PCDHA3: variants seen among roughly 807,000 people sequenced by gnomAD.
PCDHA3 encodes protocadherin alpha 3.
In PCDHA3, 41 loss-of-function variants were observed where a neutral mutation model predicts 62.2. The observed-to-expected ratio is 0.66, with a 90% CI of 0.51 to 0.86. The LOEUF (loss-of-function observed/expected upper bound fraction) is 0.86, where lower values mean the gene tolerates loss of function less well. Among genes scored for constraint, PCDHA3 ranks in the 40% least tolerant of loss-of-function variants. PCDHA3 has a pLI of 0.00. For synonymous variants in PCDHA3, 640 were observed against 555.4 expected (o/e 1.15, Z -2.14); for missense variants, 1,304 against 1,241.2 (o/e 1.05, Z -0.76).
Position 140,928,756 on chromosome 5 carries a change from C to T in PCDHA3, c.2395-50193C>T. 2.5e-6 allele frequency: 4 copies of T among 1,614,164 alleles called. No individual in the cohort carries two copies. The highest frequency in any genetic ancestry group is 3.4e-6 in the Non-Finnish European group (4 of 1,180,032). On this transcript the variant is annotated intron_variant, in intron 1 of 3. Transcript: ENST00000522353. The stretch of plus-strand genomic sequence containing the variant: ...CAATATAGGTGAGCTCCGTACTGCT[C>T]GCTTAGTTCTTCCCACTGATGCAGT...
chr5:140,802,022 G>A lies in PCDHA3; in HGVS notation c.825G>A (p.Lys275=). The A allele has an allele frequency of 6.2e-7, 1 of 1,614,190 alleles. No homozygotes were observed. The highest frequency in any genetic ancestry group is 8.5e-7 in the Non-Finnish European group (1 of 1,180,056). The change falls in exon 1 of 4, where the codon AAG becomes AAA. Residue 275 remains lysine, a synonymous_variant. Transcript: ENST00000522353. ...NATDLDEGVN[K]DIAYSFNTDM... The stretch of plus-strand genomic sequence containing the variant: ...CCGATTTGGATGAAGGAGTAAATAA[G>A]GATATCGCGTATTCTTTCAATACGG...
intron 1 of PCDHA3, among the ~76,000 whole-genome samples, chr5:140,826,666 G>A (rs1554130619): frequency 6.6e-6 from 1 of 152,130 alleles, no homozygotes; most frequent in Non-Finnish European, 1.5e-5. Flanking sequence ...CAAGTAAATT[G>A]TAGACGTAAT....
At chr5:140,952,380 G>A (rs246035) in intron 1 of PCDHA3, among the ~76,000 whole-genome samples, 85,175 of 151,100 alleles carry the variant, frequency 0.56, 24,638 homozygotes, top group African/African-American at 0.69. Flanking sequence ...CCTCTGCCAG[G>A]TACCCTAAAC....
At chr5:140,934,151 A>G (rs1478465122) in intron 1 of PCDHA3, among the ~76,000 whole-genome samples, 3 of 152,088 alleles carry the variant, frequency 2.0e-5, no homozygotes, top group African/African-American at 7.2e-5. Context: ...TTATATGTTT[A>G]TATTTCAGTG....
intron 1 of PCDHA3, among the ~76,000 whole-genome samples, chr5:140,977,051 G>T (rs2096743579): frequency 6.6e-6 from 1 of 152,178 alleles, no homozygotes; most frequent in South Asian, 2.1e-4. Flanking sequence ...GTTGCTGATG[G>T]ACTAGTATAG....
At chr5:140,835,667 G>A (rs2150241297) in intron 1 of PCDHA3, 2 of 1,613,924 alleles carry the variant, frequency 1.2e-6, no homozygotes, top group Non-Finnish European at 8.5e-7. Context: ...TTACCGCGCG[G>A]GACGGGGGCT....
intron 1 of PCDHA3, chr5:140,869,731 T>C (rs1554163388): frequency 6.2e-7 from 1 of 1,613,416 alleles, no homozygotes. Flanking sequence ...GGAACTTAAT[T>C]TGCTGCTAAC....
chr5:140,956,820 G>C (rs246011), intron 1 of PCDHA3, among the ~76,000 whole-genome samples: 85,659 of 151,910 alleles, frequency 0.56, 24,765 homozygotes, highest in African/African-American at 0.69. Context: ...GCTTCAATTT[G>C]TAATTTAATA....
chr5:140,828,847 C>A (rs2150159691), intron 1 of PCDHA3: 10 of 1,614,168 alleles, frequency 6.2e-6, no homozygotes, highest in Non-Finnish European at 8.5e-6. Flanking sequence ...TAAGAATATT[C>A]GAAAATGCAG....
intron 1 of PCDHA3, chr5:140,854,192 T>C: frequency 3.9e-6 from 2 of 506,570 alleles, no homozygotes; most frequent in Non-Finnish European, 5.1e-6. Flanking sequence ...GTTTAACTAC[T>C]CCCTACTTTT....
At chr5:140,904,859 T>C (rs1294164011) in intron 1 of PCDHA3, among the ~76,000 whole-genome samples, 8 of 152,242 alleles carry the variant, frequency 5.3e-5, no homozygotes, top group Non-Finnish European at 1.2e-4. Flanking sequence ...GAGAATTGTC[T>C]GTTTATGTCC....
intron 1 of PCDHA3, chr5:140,843,803 T>C: frequency 7.7e-7 from 1 of 1,305,734 alleles, no homozygotes. Context: ...TTTTTCACCG[T>C]ATTTTATAGT....
chr5:140,820,952 GT>G (rs1554127955), intron 1 of PCDHA3, among the ~76,000 whole-genome samples: 2 of 151,916 alleles, frequency 1.3e-5, no homozygotes, highest in African/African-American at 4.8e-5. Context: ...CCCCATTACA[GT>G]TTTTGAGTCA....
chr5:140,835,739 C>A (rs185499663), intron 1 of PCDHA3: 15 of 1,613,474 alleles, frequency 9.3e-6, no homozygotes, highest in Non-Finnish European at 1.3e-5. Flanking sequence ...ACGACAACGC[C>A]CCGGCGTTCG....
chr5:140,884,554 G>A (rs1554181727), intron 1 of PCDHA3: 10 of 1,614,160 alleles, frequency 6.2e-6, no homozygotes, highest in Non-Finnish European at 6.8e-6. Context: ...GCTCTGGGGA[G>A]GGCCCGCATA....
rs373714901 is a variant in PCDHA3, at chr5:140,898,150, G to T, written c.2395-80799G>T. 6.9e-3 allele frequency among the ~76,000 whole-genome samples: 1,047 copies of T among 152,166 alleles called. 8 individuals are homozygous for T. The highest frequency in any genetic ancestry group is 0.024 in the African/African-American group (1,013 of 41,482). ...CCCATTTTGTAGGTTGCCTGTTCAC[G>T]CTGATGGTGGTTTCTTTTGCTGTGC... On this transcript the variant is annotated intron_variant, in intron 1 of 3. Transcript: ENST00000522353.
At chr5:140,809,638 T>C in intron 1 of PCDHA3, 2 of 1,504,738 alleles carry the variant, frequency 1.3e-6, no homozygotes, top group Non-Finnish European at 1.8e-6. Context: ...CTTCGTAAAT[T>C]TATTTCTAAG....
At chr5:140,859,579 G>A in intron 1 of PCDHA3, 1 of 171,440 alleles carries the variant, frequency 5.8e-6, no homozygotes, top group Non-Finnish European at 1.2e-5. Flanking sequence ...TTGTCATCTT[G>A]CCTATGGCTC....
In PCDHA3 at chr5:140,801,681, A is replaced by T; in HGVS notation, c.484A>T (p.Ile162Phe). 1.2e-6 allele frequency: 2 copies of T among 1,614,248 alleles called. No individual in the cohort carries two copies. The highest frequency in any genetic ancestry group is 2.2e-5 in the South Asian group (2 of 91,088). Residue 162 changes from isoleucine (I) to phenylalanine (F), a missense_variant, in exon 1 of 4, where the codon ATC becomes TTC. Transcript: ENST00000522353. ...FSLEGASDAD[I>F]GTNSLLTYSL... is the part of the protein sequence containing the mutation. ...GCTAGAGGGCGCATCAGATGCAGAT[A>T]TCGGAACAAATTCGTTGTTGACTTA... is the stretch of plus-strand genomic sequence containing the variant.
Sources: gnomAD v4.1 joint callset for allele counts (sites outside exome capture counted in the v4.1 genomes callset) on GRCh38, gnomAD v4.1.1 for gene constraint, MANE v1.5 for transcripts, NCBI Gene and HGNC (gene_info 2026-07-23, HGNC 2026-07-21) for gene names.